Variants in NF2 observed in about 807,000 individuals in gnomAD.
NF2 encodes the protein NF2, moesin-ezrin-radixin like (MERLIN) tumor suppressor.
Under a neutral mutation model 83.7 loss-of-function variants are expected in NF2, and 8 were observed. That is an observed-to-expected ratio of 0.10 (90% CI 0.06 to 0.17). The LOEUF (loss-of-function observed/expected upper bound fraction) is 0.17, where lower values mean the gene tolerates loss of function less well. Among genes scored for constraint, NF2 ranks in the 10% least tolerant of loss-of-function variants. The pLI is 1.00. For missense variants in NF2, 533 were observed against 744.4 expected, an observed-to-expected ratio of 0.72 and a Z score of 3.31; for synonymous variants, 266 against 269.6, an observed-to-expected ratio of 0.99 and a Z score of 0.13.
intron 9 of NF2, 72 bp from the exon 10 acceptor site, chr22:29,668,261 G>A: frequency 1.9e-6 from 2 of 1,059,378 alleles, no homozygotes; most frequent in East Asian, 2.4e-5. Flanking sequence ...AACTGCTATG[G>A]CACTAGTGGG....
intron 8 of NF2, among the ~76,000 whole-genome samples, chr22:29,664,322 C>G (rs2066556115): frequency 6.6e-6 from 1 of 151,854 alleles, no homozygotes; most frequent in South Asian, 2.1e-4. Flanking sequence ...CCCCTTCCTC[C>G]CTCTCAGGCT....
intron 15 of NF2, among the ~76,000 whole-genome samples, chr22:29,689,294 C>G (rs1258214231): frequency 2.0e-5 from 3 of 151,872 alleles, no homozygotes; most frequent in Non-Finnish European, 4.4e-5. Flanking sequence ...GGGAAGGTTT[C>G]CCACACCCCA....
intron 15 of NF2, among the ~76,000 whole-genome samples, chr22:29,691,688 TC>T (rs1251079751): frequency 6.6e-6 from 1 of 152,206 alleles, no homozygotes; most frequent in African/African-American, 2.4e-5. Context: ...TGGTGAAAGA[TC>T]CACAGGTGAG....
At chr22:29,609,522 T>C in intron 1 of NF2, 1 of 241,694 alleles carries the variant, frequency 4.1e-6, no homozygotes. Context: ...AGGAGCCCAA[T>C]GTTTGTTTAT....
At chr22:29,637,773 C>A (rs185391159) in intron 2 of NF2, among the ~76,000 whole-genome samples, 1 of 152,050 alleles carries the variant, frequency 6.6e-6, no homozygotes, top group Admixed American at 6.5e-5. Flanking sequence ...TAAATAATCA[C>A]ATGGGAATCC....
intron 1 of NF2, among the ~76,000 whole-genome samples, chr22:29,631,775 A>G (rs551628299): frequency 6.6e-6 from 1 of 152,296 alleles, no homozygotes; most frequent in East Asian, 1.9e-4. Context: ...TTTTAAATGA[A>G]TCAATGCACT....
intron 1 of NF2, among the ~76,000 whole-genome samples, chr22:29,628,140 CTGTG>C (rs3138701): frequency 0.021 from 2,956 of 139,700 alleles, 35 homozygotes; most frequent in South Asian, 0.05. Context: ...GAGACTTAAT[CTGTG>C]TGTGTGTGTG....
At chr22:29,660,543 A>C (rs1468979189) in intron 7 of NF2, among the ~76,000 whole-genome samples, 1 of 152,146 alleles carries the variant, frequency 6.6e-6, no homozygotes, top group East Asian at 1.9e-4. Flanking sequence ...GGTTTCTTTA[A>C]ATATAAGAAA....
In NF2 at chr22:29,695,621, G is replaced by A; in HGVS notation, c.*819G>A. On this transcript the variant is annotated 3_prime_UTR_variant, in exon 16 of 16. Coordinates refer to ENST00000338641, the MANE Select transcript of NF2 (RefSeq NM_000268.4). The surrounding 1 kb of genome is among the most constrained non-coding windows in gnomAD (Gnocchi z 5.4). ...GACGCCCATAGACGCTCCTTCCTGTGTGGGGCTGGGGTACTCCCTGGTCGT... is the reference window on the plus strand; with the variant it reads ...GACGCCCATAGACGCTCCTTCCTGTATGGGGCTGGGGTACTCCCTGGTCGT... 4.3e-6 allele frequency: 1 copy of A among 234,508 alleles called. No individual in the cohort carries two copies. The highest frequency in any genetic ancestry group is 8.4e-6 in the Non-Finnish European group (1 of 118,916). The allele number at this position is 234,508 out of a possible 1,614,324, so 14.5% of individuals were successfully genotyped here.
Position 29,638,419 on chromosome 22 carries a change from C to T in NF2, c.241-671C>T, listed in dbSNP as rs117533353. 6.6e-4 allele frequency among the ~76,000 whole-genome samples: 100 copies of T among 151,192 alleles called. 2 individuals are homozygous for T. The East Asian group carries it at 0.013, about 20-fold the overall frequency. On this transcript the variant is annotated intron_variant, in intron 2 of 15. Transcript: ENST00000338641. ...AGGCTGCAGTACAATGACGCAGTCT[C>T]GGCTCACTGCAACCTCTACCTCCTG... is the stretch of plus-strand genomic sequence containing the variant.
rs773469094 is a variant in NF2 at position 29,655,682 on chromosome 22, G to T, written c.599+6G>T. 1.2e-6 allele frequency: 2 copies of T among 1,609,576 alleles called. No individual in the cohort carries two copies. The highest frequency in any genetic ancestry group is 4.5e-5 in the East Asian group (2 of 44,830). Reference sequence around the variant, plus strand: ...GAGCACCGAGGCCGAGCCAGGTGAGGCCCATTCATTGTTGGTTTACATTCC... The same window carrying T: ...GAGCACCGAGGCCGAGCCAGGTGAGTCCCATTCATTGTTGGTTTACATTCC... On this transcript the variant is annotated splice_donor_region_variant and intron_variant, in intron 6 of 15. Coordinates refer to ENST00000338641, the MANE Select transcript of NF2 (RefSeq NM_000268.4).
chr22:29,670,261 G>A (rs1158008439), intron 10 of NF2, among the ~76,000 whole-genome samples: 1 of 152,110 alleles, frequency 6.6e-6, no homozygotes, highest in Non-Finnish European at 1.5e-5. Context: ...GCCCCCCAAA[G>A]TGCTAGGGTT....
At position 29,614,973 on chromosome 22, in the gene NF2, C is replaced by G. The variant is rs142796337; in HGVS notation, c.114+10861C>G. Among the ~76,000 whole-genome samples, 190 of 152,230 alleles carry G rather than the reference C, an allele frequency of 1.2e-3. 2 individuals carry two copies. The highest frequency in any genetic ancestry group is 4.4e-3 in the African/African-American group (184 of 41,536). Reference sequence around the variant, plus strand: ...CTGAGGCAGGTGGACTGCTTGAGGACAGGAGTTCAAGACTACCTTGGCCAA... The same window carrying G: ...CTGAGGCAGGTGGACTGCTTGAGGAGAGGAGTTCAAGACTACCTTGGCCAA... On this transcript the variant is annotated intron_variant, in intron 1 of 15. Transcript: ENST00000338641.
At chr22:29,641,808 C>T (rs2065817804) in intron 3 of NF2, among the ~76,000 whole-genome samples, 1 of 152,142 alleles carries the variant, frequency 6.6e-6, no homozygotes, top group East Asian at 1.9e-4. Flanking sequence ...TGTGTTAATA[C>T]TTAAAAGTAG....
At position 29,695,459 on chromosome 22, in the gene NF2, C is replaced by T. The variant is rs896431188; in HGVS notation, c.*657C>T. On this transcript the variant is annotated 3_prime_UTR_variant, in exon 16 of 16. Coordinates refer to ENST00000338641, the MANE Select transcript of NF2 (RefSeq NM_000268.4). The surrounding 1 kb of genome is among the most constrained non-coding windows in gnomAD (Gnocchi z 5.4). Reference sequence around the variant, plus strand: ...GAGACTTTAGGCAGAAGCTGTGATGCAGGCTGACTGCCAGCCGAGGGGCTG... The same window carrying T: ...GAGACTTTAGGCAGAAGCTGTGATGTAGGCTGACTGCCAGCCGAGGGGCTG... 4.0e-6 allele frequency: 1 copy of T among 251,054 alleles called. No individual in the cohort carries two copies. Among genetic ancestry groups the T allele is most frequent in the Non-Finnish European group, 7.9e-6 (1 of 127,388 alleles). 15.6% of individuals were successfully genotyped at this position (251,054 alleles called of 1,614,324 possible).
At chr22:29,613,061 A>G (rs918964554) in intron 1 of NF2, among the ~76,000 whole-genome samples, 4 of 151,728 alleles carry the variant, frequency 2.6e-5, no homozygotes, top group Admixed American at 2.0e-4. Context: ...GCGCCACTGC[A>G]CTCCAGCTTG....
chr22:29,625,019 G>C (rs1021998548), intron 1 of NF2, among the ~76,000 whole-genome samples: 3 of 141,854 alleles, frequency 2.1e-5, no homozygotes, highest in African/African-American at 7.9e-5. Flanking sequence ...TGCAACCTCC[G>C]CCTCTGCCTC....
chr22:29,640,232 G>A (rs1202150551), intron 3 of NF2, among the ~76,000 whole-genome samples: 2 of 148,412 alleles, frequency 1.3e-5, no homozygotes, highest in African/African-American at 5.0e-5. Flanking sequence ...GGACTTCAGA[G>A]CTCTAGTGAC....
At chr22:29,605,183 T>C (rs573022089) in intron 1 of NF2, among the ~76,000 whole-genome samples, 3 of 136,062 alleles carry the variant, frequency 2.2e-5, no homozygotes, top group Admixed American at 8.3e-5. Context: ...TGAGACGGAG[T>C]CTCGCTCTGT....
Sources: gnomAD v4.1 joint callset for allele counts (sites outside exome capture counted in the v4.1 genomes callset) on GRCh38, gnomAD v4.1.1 for gene constraint, Gnocchi (gnomAD v3.1) non-coding constraint, MANE v1.5 for transcripts, NCBI Gene and HGNC (gene_info 2026-07-23, HGNC 2026-07-21) for gene names.